Variants in MAP2K6 observed in about 807,000 individuals in gnomAD.
MAP2K6 encodes the protein mitogen-activated protein kinase kinase 6, also known as dual specificity mitogen-activated protein kinase kinase 6.
MAP2K6 carries 16 observed loss-of-function variants against 53.7 expected under a neutral mutation model. The observed-to-expected ratio is 0.30, with a 90% CI of 0.20 to 0.45. The LOEUF is 0.45. Among genes scored for constraint, MAP2K6 ranks in the 20% least tolerant of loss-of-function variants. The pLI is 1.00. For missense variants in MAP2K6, 204 were observed against 411.9 expected (o/e 0.50, Z 4.37); for synonymous variants, 132 against 143.1 (o/e 0.92, Z 0.55).
intron 4 of MAP2K6, among the ~76,000 whole-genome samples, chr17:69,519,060 A>G (rs988455167): frequency 2.6e-5 from 4 of 152,246 alleles, no homozygotes; most frequent in African/African-American, 9.6e-5. Flanking sequence ...TTGGAAATAC[A>G]TTCCAAAACA....
At chr17:69,464,307 T>A (rs767279980) in intron 1 of MAP2K6, among the ~76,000 whole-genome samples, 2 of 152,064 alleles carry the variant, frequency 1.3e-5, no homozygotes, top group Non-Finnish European at 2.9e-5. Context: ...ATTAAATGAG[T>A]TATTGCACGT....
intron 1 of MAP2K6, among the ~76,000 whole-genome samples, chr17:69,468,197 C>G (rs1195661395): frequency 6.6e-6 from 1 of 152,196 alleles, no homozygotes; most frequent in Admixed American, 6.6e-5. Flanking sequence ...CTAGAAGGAC[C>G]TTTAGTGTAA....
intron 10 of MAP2K6, among the ~76,000 whole-genome samples, chr17:69,532,967 T>C (rs1911160553): frequency 1.3e-5 from 2 of 152,172 alleles, no homozygotes; most frequent in Non-Finnish European, 1.5e-5. Context: ...CTCACCCTGT[T>C]GCCCAGGCTG....
In MAP2K6 at chr17:69,523,537, A is replaced by G; in HGVS notation, c.559A>G (p.Ile187Val). ...HRDVKPSNVL[I>V]NALGQVKMCD... ...AGACGTCAAGCCTTCTAATGTACTC[A>G]TCAATGCTCTCGGTCAAGTGAAGAT... The change falls in exon 8 of 12, where the codon ATC becomes GTC. Residue 187 changes from isoleucine (I) to valine (V), a missense_variant. By Grantham distance (29) the Ile-to-Val change is conservative. Around this residue, in one of 3 missense-constraint regions of MAP2K6, gnomAD observed 129 missense variants for 247.1 expected, o/e 0.52. Coordinates refer to ENST00000590474, the MANE Select transcript of MAP2K6 (RefSeq NM_002758.4). The G allele has an allele frequency of 1.2e-6, 2 of 1,614,114 alleles. No individual in the cohort carries two copies. Among genetic ancestry groups the G allele is most frequent in the Non-Finnish European group, 1.7e-6 (2 of 1,179,980 alleles).
chr17:69,486,534 A>ATC (rs1474842605), intron 1 of MAP2K6, among the ~76,000 whole-genome samples: 1 of 152,184 alleles, frequency 6.6e-6, no homozygotes, highest in Non-Finnish European at 1.5e-5. Context: ...CAGGTTGAGA[A>ATC]TATCATTGGG....
intron 1 of MAP2K6, among the ~76,000 whole-genome samples, chr17:69,490,292 T>A (rs57439413): frequency 0.043 from 6,609 of 152,266 alleles, 419 homozygotes; most frequent in East Asian, 0.16. Flanking sequence ...TAATATCCAT[T>A]CTTTATAGTT....
chr17:69,523,931 G>T (rs912376274), intron 8 of MAP2K6, among the ~76,000 whole-genome samples: 5 of 152,156 alleles, frequency 3.3e-5, no homozygotes, highest in Non-Finnish European at 7.3e-5. Context: ...CCAAGATGAA[G>T]GCACCAGAAG....
chr17:69,441,298 T>G (rs1174578102), intron 1 of MAP2K6, among the ~76,000 whole-genome samples: 1 of 152,242 alleles, frequency 6.6e-6, no homozygotes, highest in African/African-American at 2.4e-5. Flanking sequence ...GTTTCATATG[T>G]CCCTGAAGAT....
rs750016586 is a variant in MAP2K6 at position 69,549,623 on chromosome 17, GCTAT to G, written c.*7874_*7877del. 14 of 152,114 alleles carry G rather than the reference GCTAT, an allele frequency of 9.2e-5. No individual in the cohort carries two copies. The highest frequency in any genetic ancestry group is 1.9e-4 in the Non-Finnish European group (13 of 68,014). 9.4% of individuals were successfully genotyped at this position (152,114 alleles called of 1,614,324 possible). A position where few individuals can be genotyped will look rare whatever the true frequency, so the allele number is the denominator to read the frequency against. ...GTTTCCAGTTCTTAAAAATTTAAGG[GCTAT>G]CTAAGAAAAGTTTAAGCAAAACCCT... On this transcript the variant is annotated 3_prime_UTR_variant, in exon 12 of 12. Transcript: ENST00000590474.
chr17:69,499,354 C>T (rs1169803256), intron 1 of MAP2K6, among the ~76,000 whole-genome samples: 1 of 152,186 alleles, frequency 6.6e-6, no homozygotes, highest in African/African-American at 2.4e-5. Flanking sequence ...TTATGCTACA[C>T]CCTGCTAGGC....
At position 69,523,583 on chromosome 17, in the gene MAP2K6, G is replaced by C; in HGVS notation, c.605G>C (p.Gly202Ala). 6.2e-7 allele frequency: 1 copy of C among 1,614,054 alleles called. No homozygotes were observed. The highest frequency in any genetic ancestry group is 8.5e-7 in the Non-Finnish European group (1 of 1,179,950). The stretch of plus-strand genomic sequence containing the variant: ...AAGATGTGCGATTTTGGAATCAGTG[G>C]CTACTTGGTGGACTCTGTTGCTAAA... Reference protein sequence around the residue: ...QVKMCDFGISGYLVDSVAKTI... With the variant: ...QVKMCDFGISAYLVDSVAKTI... Residue 202 changes from glycine to alanine, a missense_variant, in exon 8 of 12, where the codon GGC (glycine) becomes GCC (alanine). Physicochemically the swap from Gly to Ala is moderately conservative, Grantham distance 60. Transcript: ENST00000590474.
At chr17:69,523,951 C>T (rs145989992) in intron 8 of MAP2K6, among the ~76,000 whole-genome samples, 1,562 of 152,224 alleles carry the variant, frequency 0.01, 16 homozygotes, top group Non-Finnish European at 0.014. Flanking sequence ...GATTTGGTGT[C>T]CAATGAGGGC....
chr17:69,467,290 T>C (rs891759918), intron 1 of MAP2K6, among the ~76,000 whole-genome samples: 2 of 152,222 alleles, frequency 1.3e-5, no homozygotes, highest in Non-Finnish European at 2.9e-5. Context: ...GTTTTGATAC[T>C]TGTCAGGGAG....
chr17:69,464,938 A>G (rs1907746420), intron 1 of MAP2K6, among the ~76,000 whole-genome samples: 1 of 150,980 alleles, frequency 6.6e-6, no homozygotes, highest in Non-Finnish European at 1.5e-5. Flanking sequence ...TTGGTCTCGA[A>G]CTCCTGACCT....
chr17:69,463,614 C>CTATA (rs897054258), intron 1 of MAP2K6, among the ~76,000 whole-genome samples: 1 of 148,960 alleles, frequency 6.7e-6, no homozygotes, highest in African/African-American at 2.5e-5. Flanking sequence ...CTCTCTCTCT[C>CTATA]TCTATATATA....
intron 1 of MAP2K6, among the ~76,000 whole-genome samples, chr17:69,420,967 T>G (rs1021739539): frequency 6.6e-6 from 1 of 152,230 alleles, no homozygotes; most frequent in African/African-American, 2.4e-5. Context: ...ATAGTACAGC[T>G]GCAAGTTTTA....
chr17:69,476,779 T>C (rs1425946451), intron 1 of MAP2K6, among the ~76,000 whole-genome samples: 2 of 152,182 alleles, frequency 1.3e-5, no homozygotes, highest in African/African-American at 4.8e-5. Context: ...TCTGTGAAGG[T>C]GCTATAGAGA....
At chr17:69,520,793 T>A in intron 6 of MAP2K6, 1 of 417,316 alleles carries the variant, frequency 2.4e-6, no homozygotes, top group South Asian at 6.2e-5. Flanking sequence ...CTCAGGAGGG[T>A]GGAGAGAAAA....
At chr17:69,458,818 G>A (rs1468937248) in intron 1 of MAP2K6, among the ~76,000 whole-genome samples, 1 of 152,106 alleles carries the variant, frequency 6.6e-6, no homozygotes, top group Non-Finnish European at 1.5e-5. Flanking sequence ...TTCATGGTGT[G>A]TCGCCCCTGT....
Sources: gnomAD v4.1 joint callset for allele counts (sites outside exome capture counted in the v4.1 genomes callset) on GRCh38, gnomAD v4.1.1 for gene constraint, gnomAD v4.1.1 regional missense constraint, MANE v1.5 for transcripts, NCBI Gene and HGNC (gene_info 2026-07-23, HGNC 2026-07-21) for gene names.